Variants in DDAH1 observed in about 807,000 individuals in gnomAD.
DDAH1 encodes N(G),N(G)-dimethylarginine dimethylaminohydrolase 1.
Under a neutral mutation model 28.8 loss-of-function variants are expected in DDAH1, and 19 were observed. The observed-to-expected ratio is 0.66, with a 90% CI of 0.46 to 0.97. The LOEUF (loss-of-function observed/expected upper bound fraction) is 0.97. Among genes scored for constraint, DDAH1 ranks in the 50% least tolerant of loss-of-function variants. The pLI is 0.00. For missense variants in DDAH1, 326 were observed against 375.9 expected (o/e 0.87, Z 1.10); for synonymous variants, 153 against 154.4 (o/e 0.99, Z 0.07).
chr1:85,416,229 T>C (rs1652879652), intron 1 of DDAH1, among the ~76,000 whole-genome samples: 1 of 152,074 alleles, frequency 6.6e-6, no homozygotes, highest in Non-Finnish European at 1.5e-5. Flanking sequence ...GGTTTCCTTC[T>C]ATATATAGTA....
At chr1:85,340,047 T>C (rs1441271932) in intron 4 of DDAH1, among the ~76,000 whole-genome samples, 1 of 152,058 alleles carries the variant, frequency 6.6e-6, no homozygotes, top group African/African-American at 2.4e-5. Context: ...GGCATGCAAA[T>C]GTTTTTAAGA....
chr1:85,531,453 A>G (rs1658088791), intron 1 of DDAH1, among the ~76,000 whole-genome samples: 1 of 152,234 alleles, frequency 6.6e-6, no homozygotes, highest in Admixed American at 6.5e-5. Flanking sequence ...GTGTTCATGT[A>G]TTTTAGTGAA....
intron 2 of DDAH1, among the ~76,000 whole-genome samples, chr1:85,357,307 G>A (rs1649539985): frequency 6.6e-6 from 1 of 152,116 alleles, no homozygotes; most frequent in African/African-American, 2.4e-5. Flanking sequence ...ATGAGACAGT[G>A]GCAGCACAGG....
chr1:85,487,297 T>A (rs1331562985), intron 2 of DDAH1, among the ~76,000 whole-genome samples: 1 of 152,230 alleles, frequency 6.6e-6, no homozygotes, highest in Non-Finnish European at 1.5e-5. Context: ...TGTGGGCACT[T>A]CCAGCTCTGC....
intron 1 of DDAH1, among the ~76,000 whole-genome samples, chr1:85,380,977 C>T (rs1345495808): frequency 6.6e-6 from 1 of 152,132 alleles, no homozygotes; most frequent in African/African-American, 2.4e-5. Flanking sequence ...TGGCTCACAC[C>T]TGTAATCCCA....
intron 1 of DDAH1, among the ~76,000 whole-genome samples, chr1:85,433,250 C>A (rs534920418): frequency 1.4e-4 from 22 of 152,208 alleles, no homozygotes; most frequent in Admixed American, 4.6e-4. Flanking sequence ...CAGGACCTGG[C>A]AAGGGACTCA....
intron 4 of DDAH1, among the ~76,000 whole-genome samples, chr1:85,343,900 A>C (rs1177156386): frequency 6.6e-6 from 1 of 152,248 alleles, no homozygotes; most frequent in African/African-American, 2.4e-5. Flanking sequence ...ATACAGTCTG[A>C]GTGATCTCTA....
intron 1 of DDAH1, among the ~76,000 whole-genome samples, chr1:85,359,655 T>C (rs1396841255): frequency 8.5e-5 from 13 of 152,248 alleles, no homozygotes; most frequent in African/African-American, 3.1e-4. Flanking sequence ...TCTCTGTAAA[T>C]GTAAACTGTG....
chr1:85,339,377 A>G (rs533076732), intron 4 of DDAH1, among the ~76,000 whole-genome samples: 97 of 152,280 alleles, frequency 6.4e-4, no homozygotes, highest in Non-Finnish European at 7.8e-4. Flanking sequence ...CTCCAAAGCT[A>G]CCTTTAACAT....
intron 2 of DDAH1, 75 bp downstream of exon 2, chr1:85,358,673 A>C (rs1557517678): frequency 8.5e-7 from 1 of 1,171,682 alleles, no homozygotes; most frequent in Non-Finnish European, 1.2e-6. Flanking sequence ...AAACACAAAA[A>C]ACTATAATAA....
chr1:85,372,289 T>C (rs1372477538), intron 1 of DDAH1, among the ~76,000 whole-genome samples: 1 of 152,168 alleles, frequency 6.6e-6, no homozygotes, highest in Non-Finnish European at 1.5e-5. Flanking sequence ...TAAAGGCTCA[T>C]TTCCAACCAT....
At chr1:85,372,121 G>A (rs1650415802) in intron 1 of DDAH1, among the ~76,000 whole-genome samples, 1 of 152,056 alleles carries the variant, frequency 6.6e-6, no homozygotes, top group East Asian at 1.9e-4. Flanking sequence ...AATTAATTCT[G>A]AGAAGCTGCC....
At chr1:85,508,240 T>C (rs1261941339) in intron 1 of DDAH1, among the ~76,000 whole-genome samples, 1 of 152,224 alleles carries the variant, frequency 6.6e-6, no homozygotes, top group Non-Finnish European at 1.5e-5. Flanking sequence ...AGTTGCAAAT[T>C]AGTAAATTTC....
At chr1:85,507,630 T>C (rs952857083) in intron 1 of DDAH1, among the ~76,000 whole-genome samples, 3 of 152,180 alleles carry the variant, frequency 2.0e-5, no homozygotes, top group Non-Finnish European at 2.9e-5. Context: ...TAATATCATA[T>C]AATACCCATG....
At chr1:85,473,642 G>A (rs1301658677) in intron 2 of DDAH1, among the ~76,000 whole-genome samples, 2 of 152,102 alleles carry the variant, frequency 1.3e-5, no homozygotes, top group Non-Finnish European at 2.9e-5. Context: ...ACGCACAATG[G>A]TTTTAACATA....
At position 85,379,661 on chromosome 1, in the gene DDAH1, T is replaced by G. The variant is rs1650872544; in HGVS notation, c.304-20814A>C. ...TATACTACTGTTCACTGTTCTCTTCTTTTCCAAGGCATTTGTTGACCTTAT... is the reference window on the plus strand; with the variant it reads ...TATACTACTGTTCACTGTTCTCTTCGTTTCCAAGGCATTTGTTGACCTTAT... On this transcript the variant is annotated intron_variant, in intron 1 of 5. Transcript: ENST00000284031. The G allele has an allele frequency of 3.0e-6, 3 of 985,288 alleles. No homozygotes were observed. In the South Asian group the frequency reaches 1.4e-4, roughly 46 times the overall value. 61.0% of individuals were successfully genotyped at this position (985,288 alleles called of 1,614,324 possible). A position where few individuals can be genotyped will look rare whatever the true frequency, so the allele number is the denominator to read the frequency against.
intron 1 of DDAH1, among the ~76,000 whole-genome samples, chr1:85,502,291 C>G (rs565028407): frequency 6.6e-6 from 1 of 152,208 alleles, no homozygotes; most frequent in African/African-American, 2.4e-5. Context: ...GGTTGCCCAA[C>G]AACGAGAGGA....
chr1:85,511,570 T>C (rs1028688032), intron 1 of DDAH1, among the ~76,000 whole-genome samples: 1 of 152,122 alleles, frequency 6.6e-6, no homozygotes, highest in African/African-American at 2.4e-5. Context: ...AGCTGGTTTT[T>C]TGAAAAGATC....
intron 4 of DDAH1, among the ~76,000 whole-genome samples, chr1:85,335,047 G>T (rs560576419): frequency 2.0e-5 from 3 of 152,036 alleles, no homozygotes; most frequent in Non-Finnish European, 4.4e-5. Flanking sequence ...GAAGTCCTAC[G>T]CCTGGAAGTG....
Sources: gnomAD v4.1 joint callset for allele counts (sites outside exome capture counted in the v4.1 genomes callset) on GRCh38, gnomAD v4.1.1 for gene constraint, MANE v1.5 for transcripts, NCBI Gene and HGNC (gene_info 2026-07-23, HGNC 2026-07-21) for gene names.